The following DLGAP2 variants were observed in gnomAD, a reference collection of about 807,000 sequenced individuals.
DLGAP2 encodes DLG associated protein 2.
A neutral mutation model predicts 100.3 loss-of-function variants in DLGAP2; 26 were observed. The observed-to-expected ratio is 0.26, with a 90% CI of 0.19 to 0.36. DLGAP2 has a LOEUF of 0.36. Ranked by LOEUF, DLGAP2 falls within the 10% of genes least tolerant of loss-of-function variation. The pLI is 1.00. For synonymous variants in DLGAP2, 886 were observed against 630.1 expected (o/e 1.41, Z -6.08); for missense variants, 1,858 against 1,453.2 (o/e 1.28, Z -4.53).
At position 1,473,019 on chromosome 8, in the gene DLGAP2, C is replaced by T. The variant is rs1798842843; in HGVS notation, c.107-28347C>T. On this transcript the variant is annotated intron_variant, in intron 3 of 14. Coordinates refer to ENST00000637795, the MANE Select transcript of DLGAP2 (RefSeq NM_001346810.2). ...GATCTCAGCTCACTGCAACCTCCGCCTCCCAGGTTCAAGCGATTCTCCTGC... is the reference window on the plus strand; with the variant it reads ...GATCTCAGCTCACTGCAACCTCCGCTTCCCAGGTTCAAGCGATTCTCCTGC... Among the ~76,000 whole-genome samples the T allele has an allele frequency of 2.0e-5, 3 of 152,180 alleles. No homozygotes were observed. The South Asian group carries it at 6.2e-4, about 31-fold the overall frequency.
chr8:1,589,417 A>G (rs1017309321), intron 6 of DLGAP2, among the ~76,000 whole-genome samples: 3 of 152,172 alleles, frequency 2.0e-5, no homozygotes, highest in Non-Finnish European at 4.4e-5. Flanking sequence ...TATTCCTTGC[A>G]TGTTGCCACA....
intron 2 of DLGAP2, among the ~76,000 whole-genome samples, chr8:1,027,383 T>A (rs1212641182): frequency 2.2e-4 from 25 of 115,522 alleles, no homozygotes; most frequent in East Asian, 5.8e-4. Context: ...GTGGGGTGCT[T>A]GGTGCCCGTT....
intron 1 of DLGAP2, among the ~76,000 whole-genome samples, chr8:825,576 C>G (rs552689393): frequency 1.2e-4 from 18 of 152,342 alleles, no homozygotes; most frequent in African/African-American, 4.1e-4. Context: ...CATCATCCCT[C>G]TCATTCCAGA....
At chr8:881,666 A>ATGTGTATATATATATATAT in intron 1 of DLGAP2, among the ~76,000 whole-genome samples, 1 of 131,046 alleles carries the variant, frequency 7.6e-6, no homozygotes. Context: ...CTTGTGGCTG[A>ATGTGTATATATATATATAT]ACACACACAC....
At chr8:1,464,679 G>A (rs547333922) in intron 3 of DLGAP2, among the ~76,000 whole-genome samples, 9 of 152,256 alleles carry the variant, frequency 5.9e-5, no homozygotes, top group South Asian at 2.1e-4. Context: ...GAGCTGTCAG[G>A]GGCTGGAGAC....
chr8:1,053,958 T>A (rs1802798043), intron 2 of DLGAP2, among the ~76,000 whole-genome samples: 1 of 152,150 alleles, frequency 6.6e-6, no homozygotes, highest in African/African-American at 2.4e-5. Flanking sequence ...TTCACTTTTA[T>A]TTGGGTCTTT....
intron 3 of DLGAP2, among the ~76,000 whole-genome samples, chr8:1,370,409 C>T (rs1015079376): frequency 6.6e-6 from 1 of 152,186 alleles, no homozygotes; most frequent in Non-Finnish European, 1.5e-5. Flanking sequence ...CACTGTTTAT[C>T]TTACCATTCA....
intron 12 of DLGAP2, among the ~76,000 whole-genome samples, chr8:1,683,990 T>TATATAC (rs1799046315): frequency 1.2e-5 from 1 of 81,806 alleles, no homozygotes; most frequent in African/African-American, 4.8e-5. Context: ...ATATATATAC[T>TATATAC]TTTTTTTTTA....
intron 8 of DLGAP2, among the ~76,000 whole-genome samples, chr8:1,650,949 C>T (rs1216010683): frequency 3.3e-5 from 5 of 151,986 alleles, no homozygotes; most frequent in East Asian, 1.9e-4. Flanking sequence ...GATGGGAGGA[C>T]GGTACGGACA....
In DLGAP2 at chr8:1,594,163, C is replaced by G. The variant is rs1796374149; in HGVS notation, c.1442+28269C>G. Reference sequence around the variant, plus strand: ...GGTGGGGGTCTTCTCATGTATAAGACAAGGTCATGAAGACTGAGAAAGGCA... The same window carrying G: ...GGTGGGGGTCTTCTCATGTATAAGAGAAGGTCATGAAGACTGAGAAAGGCA... On this transcript the variant is annotated intron_variant, in intron 6 of 14. Coordinates refer to ENST00000637795, the MANE Select transcript of DLGAP2 (RefSeq NM_001346810.2). 3.9e-5 allele frequency among the ~76,000 whole-genome samples: 6 copies of G among 152,208 alleles called. No homozygotes were observed. The South Asian group carries it at 1.2e-3, about 32-fold the overall frequency.
chr8:1,112,108 G>C (rs1009664983), intron 2 of DLGAP2, among the ~76,000 whole-genome samples: 3 of 152,034 alleles, frequency 2.0e-5, no homozygotes, highest in East Asian at 3.9e-4. Context: ...ATTCTGACTG[G>C]TGTGTGATGA....
intron 3 of DLGAP2, among the ~76,000 whole-genome samples, chr8:1,439,414 C>T (rs978343192): frequency 6.6e-6 from 1 of 152,128 alleles, no homozygotes; most frequent in Non-Finnish European, 1.5e-5. Flanking sequence ...GGAGCCTCTG[C>T]GTGTCCTCTC....
At chr8:1,675,472 T>C (rs1297759725) in intron 10 of DLGAP2, among the ~76,000 whole-genome samples, 3 of 152,230 alleles carry the variant, frequency 2.0e-5, no homozygotes. Context: ...TCTTCGCTGT[T>C]ACCATCAGTA....
intron 1 of DLGAP2, among the ~76,000 whole-genome samples, chr8:856,177 T>TTCTTCTTCTTCC (rs1797272714): frequency 7.3e-6 from 1 of 137,544 alleles, no homozygotes; most frequent in Non-Finnish European, 1.6e-5. Flanking sequence ...AAAAATCTTC[T>TTCTTCTTCTTCC]TCTTCTTCTT....
At chr8:975,614 C>G (rs1800142247) in intron 2 of DLGAP2, among the ~76,000 whole-genome samples, 1 of 152,154 alleles carries the variant, frequency 6.6e-6, no homozygotes, top group Admixed American at 6.5e-5. Context: ...TAATCATTCA[C>G]AGGCTAAGGA....
chr8:983,224 C>T, intron 2 of DLGAP2, among the ~76,000 whole-genome samples: 1 of 152,178 alleles, frequency 6.6e-6, no homozygotes, highest in Admixed American at 6.5e-5. Flanking sequence ...GTGGAAGGTA[C>T]AGGTCCTCGA....
At chr8:983,391 C>T (rs923658479) in intron 2 of DLGAP2, among the ~76,000 whole-genome samples, 9 of 150,680 alleles carry the variant, frequency 6.0e-5, no homozygotes, top group Admixed American at 4.7e-4. Context: ...AGGTACAGGT[C>T]GTCGAGATGT....
chr8:1,236,105 GTACCATGTCTAGTTCTCTCACATGTTGC>G (rs1798646394), intron 2 of DLGAP2, among the ~76,000 whole-genome samples: 2 of 89,174 alleles, frequency 2.2e-5, no homozygotes, highest in Non-Finnish European at 4.2e-5. Flanking sequence ...CTCTCACATG[GTACCATGTCTAGTTCTCTCACATGTTGC>G]CGTGTCTAGT....
At chr8:828,028 A>C (rs59978914) in intron 1 of DLGAP2, among the ~76,000 whole-genome samples, 2,524 of 152,270 alleles carry the variant, frequency 0.017, 69 homozygotes, top group African/African-American at 0.058. Flanking sequence ...GAGTATATGA[A>C]TAGGTGTGGG....
Sources: allele counts gnomAD v4.1 joint callset (sites outside exome capture counted in the v4.1 genomes callset), GRCh38; gene constraint gnomAD v4.1.1; transcripts MANE v1.5; gene names NCBI Gene and HGNC (gene_info 2026-07-23, HGNC 2026-07-21).